The following PKP4 variants were observed in gnomAD, a reference collection of about 807,000 sequenced individuals.
PKP4 encodes plakophilin-4.
Under a neutral mutation model 145.1 loss-of-function variants are expected in PKP4, and 90 were observed. That is an observed-to-expected ratio of 0.62 (90% CI 0.52 to 0.74). PKP4 has a LOEUF of 0.74. PKP4 is among the 30% of genes least tolerant of loss of function. The probability of loss-of-function intolerance (pLI) is 0.00; values close to 1 mark genes in which losing one functional copy is unlikely to be tolerated. For synonymous variants in PKP4, 563 were observed against 577.2 expected (o/e 0.98, Z 0.35); for missense variants, 1,340 against 1,482.7 (o/e 0.90, Z 1.58).
At chr2:158,487,561 AAGTTTTGGTTTGTT>A (rs1574059502) in intron 1 of PKP4, among the ~76,000 whole-genome samples, 1 of 152,212 alleles carries the variant, frequency 6.6e-6, no homozygotes, top group East Asian at 1.9e-4. Flanking sequence ...CATGAGTTTA[AAGTTTTGGTTTGTT>A]CAAGTAAAAT....
At chr2:158,476,248 A>G (rs1692451234) in intron 1 of PKP4, among the ~76,000 whole-genome samples, 1 of 152,302 alleles carries the variant, frequency 6.6e-6, no homozygotes, top group East Asian at 1.9e-4. Context: ...TTTCATCCAC[A>G]TGTACAGCGA....
chr2:158,679,814 A>G (rs2058312601), intron 21 of PKP4, among the ~76,000 whole-genome samples: 1 of 152,174 alleles, frequency 6.6e-6, no homozygotes, highest in South Asian at 2.1e-4. Flanking sequence ...TCCTAATTTT[A>G]CTATTCTTCT....
At chr2:158,595,766 G>A (rs1201649567) in intron 3 of PKP4, among the ~76,000 whole-genome samples, 1 of 151,992 alleles carries the variant, frequency 6.6e-6, no homozygotes, top group East Asian at 1.9e-4. Flanking sequence ...AATTTATCCT[G>A]TAACATTCTT....
rs1486085998 is a variant in PKP4 at position 158,603,064 on chromosome 2, C to T, written c.246-6C>T. 1 of 1,482,570 alleles carries T rather than the reference C, an allele frequency of 6.7e-7. No individual in the cohort carries two copies. The highest frequency in any genetic ancestry group is 1.4e-5 in the African/African-American group (1 of 70,170). The allele number at this position is 1,482,570 out of a possible 1,614,324, so 91.8% of individuals were successfully genotyped here. On this transcript the variant is annotated splice_polypyrimidine_tract_variant and splice_region_variant and intron_variant, in intron 3 of 21. Coordinates refer to ENST00000389759, the MANE Select transcript of PKP4 (RefSeq NM_003628.6). ...ATGTTCCATTTTTTTCTTTCTTTTT[C>T]TTTAGCTCAACTGAGAAGTCATTTC...
intron 1 of PKP4, among the ~76,000 whole-genome samples, chr2:158,489,571 C>A (rs1325010804): frequency 6.6e-6 from 1 of 152,196 alleles, no homozygotes; most frequent in Non-Finnish European, 1.5e-5. Context: ...TCCTCTGCCC[C>A]CTGCAGCTGC....
At chr2:158,629,909 T>C (rs1050605954) in intron 7 of PKP4, among the ~76,000 whole-genome samples, 1 of 152,094 alleles carries the variant, frequency 6.6e-6, no homozygotes, top group African/African-American at 2.4e-5. Flanking sequence ...AATTTTTGGA[T>C]TTTTAGTAGA....
intron 4 of PKP4, among the ~76,000 whole-genome samples, chr2:158,606,630 G>A (rs2050680926): frequency 6.6e-6 from 1 of 152,120 alleles, no homozygotes; most frequent in South Asian, 2.1e-4. Context: ...CTGTGCATTT[G>A]TGTGTTACAT....
chr2:158,528,361 T>G (rs77522254), intron 1 of PKP4, among the ~76,000 whole-genome samples: 1 of 114,272 alleles, frequency 8.8e-6, no homozygotes, highest in African/African-American at 3.2e-5. Context: ...ATTGGAAACC[T>G]TCATTCTCAG....
chr2:158,493,828 C>T (rs1205312640), intron 1 of PKP4, among the ~76,000 whole-genome samples: 1 of 152,174 alleles, frequency 6.6e-6, no homozygotes, highest in Non-Finnish European at 1.5e-5. Flanking sequence ...CTAGGTCTTA[C>T]TGTTGCCTTT....
chr2:158,614,650 A>G (rs2051423329), intron 4 of PKP4, among the ~76,000 whole-genome samples: 1 of 152,232 alleles, frequency 6.6e-6, no homozygotes, highest in Non-Finnish European at 1.5e-5. Flanking sequence ...CATAACATCT[A>G]AATATTCCAA....
chr2:158,620,881 T>C, intron 4 of PKP4, 109 bp from the exon 5 acceptor site: 1 of 849,698 alleles, frequency 1.2e-6, no homozygotes, highest in East Asian at 2.5e-5. Context: ...ATAATAGCCT[T>C]GTATTAGCAT....
At chr2:158,677,370 G>GATT (rs1201788973) in intron 20 of PKP4, 2 of 156,022 alleles carry the variant, frequency 1.3e-5, no homozygotes, top group Admixed American at 7.4e-5. Context: ...TTCTCAACGT[G>GATT]ATTATTTTTT....
intron 3 of PKP4, among the ~76,000 whole-genome samples, chr2:158,601,929 T>G (rs1281863094): frequency 1.3e-5 from 2 of 152,192 alleles, no homozygotes; most frequent in East Asian, 1.9e-4. Flanking sequence ...AAGTGCTTTA[T>G]TTGGCAGAAT....
intron 2 of PKP4, among the ~76,000 whole-genome samples, chr2:158,564,298 T>G (rs2046791868): frequency 6.6e-6 from 1 of 152,098 alleles, no homozygotes; most frequent in African/African-American, 2.4e-5. Context: ...TCAGTTGACT[T>G]TTTAACATAA....
chr2:158,540,754 A>G (rs185292392), intron 2 of PKP4, among the ~76,000 whole-genome samples: 1 of 152,320 alleles, frequency 6.6e-6, no homozygotes, highest in African/African-American at 2.4e-5. Context: ...CTGAATTACC[A>G]TTAGCTTTTA....
intron 2 of PKP4, among the ~76,000 whole-genome samples, chr2:158,574,179 T>C (rs561210108): frequency 2.8e-4 from 43 of 152,236 alleles, no homozygotes; most frequent in Non-Finnish European, 4.0e-4. Flanking sequence ...CATAGTATAT[T>C]AGTAGCCTTG....
At chr2:158,631,038 C>T (rs938444629) in intron 7 of PKP4, among the ~76,000 whole-genome samples, 10 of 151,920 alleles carry the variant, frequency 6.6e-5, no homozygotes, top group Non-Finnish European at 2.9e-5. Flanking sequence ...TCCGGGTTCA[C>T]GCCATTCTCC....
At chr2:158,478,510 A>G (rs1692854861) in intron 1 of PKP4, among the ~76,000 whole-genome samples, 1 of 152,218 alleles carries the variant, frequency 6.6e-6, no homozygotes, top group Admixed American at 6.5e-5. Flanking sequence ...TAGTCTGCCC[A>G]CCGCTCTCTG....
chr2:158,609,037 G>A (rs150481704), intron 4 of PKP4, among the ~76,000 whole-genome samples: 1 of 151,486 alleles, frequency 6.6e-6, no homozygotes, highest in East Asian at 1.9e-4. Context: ...GGCTGGTCTC[G>A]AACTCCTAAC....
Sources: allele counts gnomAD v4.1 joint callset (sites outside exome capture counted in the v4.1 genomes callset), GRCh38; gene constraint gnomAD v4.1.1; transcripts MANE v1.5; gene names NCBI Gene and HGNC (gene_info 2026-07-23, HGNC 2026-07-21).